Variants in S100A10 observed in about 807,000 individuals in gnomAD.
S100A10 encodes the protein S100 calcium binding protein A10, also known as protein S100-A10.
In S100A10, 3 loss-of-function variants were observed where a neutral mutation model predicts 7.1. That is an observed-to-expected ratio of 0.42 (90% CI 0.19 to 1.10). The LOEUF is 1.10. Ranked by LOEUF, S100A10 falls within the 50% of genes least tolerant of loss-of-function variation. The pLI is 0.29. For synonymous variants in S100A10, 41 were observed against 39.3 expected, an observed-to-expected ratio of 1.04 and a Z score of -0.16; for missense variants, 101 against 118.1, an observed-to-expected ratio of 0.86 and a Z score of 0.67.
At chr1:151,992,902 G>A (rs1655936835) in intron 1 of S100A10, among the ~76,000 whole-genome samples, 1 of 152,184 alleles carries the variant, frequency 6.6e-6, no homozygotes. Context: ...TCCACGGCTA[G>A]GGGCAGCGCC....
rs149887365 is a variant in S100A10 at position 151,983,327 on chromosome 1, GA to G, written c.133-4del. On this transcript the variant is annotated splice_region_variant and splice_polypyrimidine_tract_variant and intron_variant, in intron 2 of 2. Coordinates refer to ENST00000368811, the MANE Select transcript of S100A10 (RefSeq NM_002966.3). ...ACAGCCAGAGGGTCTTTTTGATTCT[GA>G]AAAAAAAAAGAACAAAGGCAAGAAA... is the stretch of plus-strand genomic sequence containing the variant. The G allele has an allele frequency of 1.6e-3, 2,186 of 1,373,708 alleles. No individual in the cohort carries two copies. Among genetic ancestry groups the G allele is most frequent in the South Asian group, 5.3e-3 (354 of 67,024 alleles). 85.1% of individuals were successfully genotyped at this position (1,373,708 alleles called of 1,614,324 possible).
intron 1 of S100A10, among the ~76,000 whole-genome samples, chr1:151,991,905 A>G (rs1263629521): frequency 6.6e-6 from 1 of 152,200 alleles, no homozygotes; most frequent in Non-Finnish European, 1.5e-5. Context: ...AGGGGCCTAT[A>G]TGATGTGTCG....
chr1:151,985,493 T>C (rs532939085), intron 2 of S100A10, among the ~76,000 whole-genome samples: 2 of 144,442 alleles, frequency 1.4e-5, no homozygotes, highest in Admixed American at 1.5e-4. Context: ...AGCATTATTA[T>C]GTGAAAAGCA....
Position 151,989,997 on chromosome 1 carries a change from CTTGA to C in S100A10, c.-21-3750_-21-3747del, listed in dbSNP as rs550932762. On this transcript the variant is annotated intron_variant, in intron 1 of 2. Transcript: ENST00000368811. Reference sequence around the variant, plus strand: ...TTGTCTGCCTGAGATTTAAGCTTCTCTTGATTAAGAACTACAAATTATTCTGCTT... The same window carrying C: ...TTGTCTGCCTGAGATTTAAGCTTCTCTTAAGAACTACAAATTATTCTGCTT... 6.9e-4 allele frequency among the ~76,000 whole-genome samples: 105 copies of C among 152,344 alleles called. No individual in the cohort carries two copies. The South Asian group carries it at 0.019, about 27-fold the overall frequency.
chr1:151,984,611 C>G (rs1655753735), intron 2 of S100A10, among the ~76,000 whole-genome samples: 1 of 152,160 alleles, frequency 6.6e-6, no homozygotes, highest in Non-Finnish European at 1.5e-5. Flanking sequence ...TGCCACAAAG[C>G]CTTTAGGAAG....
intron 1 of S100A10, among the ~76,000 whole-genome samples, chr1:151,990,689 A>G (rs1655886773): frequency 6.6e-6 from 1 of 152,212 alleles, no homozygotes; most frequent in African/African-American, 2.4e-5. Context: ...ACACACATAC[A>G]CACATGCACA....
intron 2 of S100A10, among the ~76,000 whole-genome samples, chr1:151,984,809 C>A (rs748319088): frequency 2.0e-5 from 3 of 152,178 alleles, no homozygotes; most frequent in Non-Finnish European, 4.4e-5. Flanking sequence ...ATAATTATGT[C>A]CAGCCCTCTC....
At position 151,983,189 on chromosome 1, in the gene S100A10, G is replaced by A. The variant is rs1208096040; in HGVS notation, c.268C>T (p.His90Tyr). The A allele has an allele frequency of 6.3e-7, 1 of 1,588,380 alleles. No homozygotes were observed. Reference sequence around the variant, plus strand: ...TACTTCTTTCCCTTCTGCTTCATGTGTACTACAAAATAGTCATTGCATGCA... The same window carrying A: ...TACTTCTTTCCCTTCTGCTTCATGTATACTACAAAATAGTCATTGCATGCA... Reference protein sequence around the residue: ...TIACNDYFVVHMKQKGKK With the variant: ...TIACNDYFVVYMKQKGKK Residue 90 changes from histidine (H) to tyrosine (Y), a missense_variant, in exon 3 of 3, where the codon CAC (histidine) becomes TAC (tyrosine). Physicochemically the swap from His to Tyr is moderately conservative, Grantham distance 83. Coordinates refer to ENST00000368811, the MANE Select transcript of S100A10 (RefSeq NM_002966.3).
intron 1 of S100A10, among the ~76,000 whole-genome samples, chr1:151,987,238 T>C (rs1302230528): frequency 2.0e-5 from 3 of 151,936 alleles, no homozygotes; most frequent in Non-Finnish European, 2.9e-5. Flanking sequence ...ACTCCTGACT[T>C]CAGGTGATCC....
At chr1:151,983,409 G>A in intron 2 of S100A10, 85 bp from the exon 3 acceptor site, 1 of 744,344 alleles carries the variant, frequency 1.3e-6, no homozygotes, top group Non-Finnish European at 2.0e-6. Flanking sequence ...TGAGAACTGT[G>A]TATATATCTC....
chr1:151,983,379 G>C, intron 2 of S100A10, 55 bp from the exon 3 acceptor site: 59 of 1,252,628 alleles, frequency 4.7e-5, no homozygotes, highest in Non-Finnish European at 6.2e-5. Flanking sequence ...GCAATGAGGA[G>C]CTTATTTGAT....
intron 1 of S100A10, among the ~76,000 whole-genome samples, chr1:151,986,454 G>A (rs900236315): frequency 1.3e-5 from 2 of 152,080 alleles, no homozygotes; most frequent in Non-Finnish European, 2.9e-5. Context: ...GCACTTCTGT[G>A]GTGAGAACAC....
rs1428040581 is a variant in S100A10 at position 151,983,085 on chromosome 1, G to A, written c.*78C>T. ...ATCTGCTCATGAAATCCTTCTATGG[G>A]GGAAGCTGTGGGGCAGATTCCTTAA... On this transcript the variant is annotated 3_prime_UTR_variant, in exon 3 of 3. Coordinates refer to ENST00000368811, the MANE Select transcript of S100A10 (RefSeq NM_002966.3). 1.0e-6 allele frequency: 1 copy of A among 977,038 alleles called. No individual in the cohort carries two copies. Among genetic ancestry groups the A allele is most frequent in the East Asian group, 2.7e-5 (1 of 37,422 alleles). The allele number at this position is 977,038 out of a possible 1,614,324, so 60.5% of individuals were successfully genotyped here.
intron 1 of S100A10, 67 bp from the exon 2 acceptor site, chr1:151,986,318 ATT>A: frequency 1.8e-6 from 2 of 1,109,512 alleles, no homozygotes; most frequent in Non-Finnish European, 2.5e-6. Context: ...GCATGAATTT[ATT>A]TTTTTTAAAT....
intron 1 of S100A10, among the ~76,000 whole-genome samples, chr1:151,986,849 A>G (rs1655800688): frequency 6.6e-6 from 1 of 152,212 alleles, no homozygotes; most frequent in South Asian, 2.1e-4. Context: ...CAGCTTTAAA[A>G]TTCAGTGAAT....
At chr1:151,986,326 T>C in intron 1 of S100A10, 75 bp from the exon 2 acceptor site, 1 of 1,039,176 alleles carries the variant, frequency 9.6e-7, no homozygotes, top group Non-Finnish European at 1.4e-6. Flanking sequence ...TTATTTTTTT[T>C]AAATTGAAAG....
chr1:151,990,224 T>TA (rs1312830947), intron 1 of S100A10, among the ~76,000 whole-genome samples: 4 of 152,178 alleles, frequency 2.6e-5, no homozygotes, highest in Admixed American at 2.0e-4. Flanking sequence ...GAACAGTAGA[T>TA]AGAGTACACA....
intron 1 of S100A10, among the ~76,000 whole-genome samples, chr1:151,988,643 G>C (rs1250995333): frequency 6.6e-6 from 1 of 152,198 alleles, no homozygotes; most frequent in Non-Finnish European, 1.5e-5. Flanking sequence ...AGTTATCTTG[G>C]AGAGAGCTGC....
chr1:151,989,095 A>G (rs1211330141), intron 1 of S100A10, among the ~76,000 whole-genome samples: 6 of 152,188 alleles, frequency 3.9e-5, no homozygotes, highest in South Asian at 2.1e-4. Flanking sequence ...AAGGACCTCT[A>G]AATTTTAAAA....
Sources: allele counts gnomAD v4.1 joint callset (sites outside exome capture counted in the v4.1 genomes callset), GRCh38; gene constraint gnomAD v4.1.1; transcripts MANE v1.5; gene names NCBI Gene and HGNC (gene_info 2026-07-23, HGNC 2026-07-21).